The following ETV6 variants were observed in gnomAD, a reference collection of about 807,000 sequenced individuals.
The protein encoded by ETV6 is transcription factor ETV6.
A neutral mutation model predicts 51.1 loss-of-function variants in ETV6; 16 were observed. The observed-to-expected ratio is 0.31, with a 90% CI of 0.21 to 0.48. The LOEUF is 0.48. Ranked by LOEUF, ETV6 falls within the 20% of genes least tolerant of loss-of-function variation. The probability of loss-of-function intolerance (pLI) is 0.99; values close to 1 mark genes in which losing one functional copy is unlikely to be tolerated. For synonymous variants in ETV6, 240 were observed against 224.1 expected, an observed-to-expected ratio of 1.07 and a Z score of -0.64; for missense variants, 458 against 594.8, an observed-to-expected ratio of 0.77 and a Z score of 2.39.
intron 1 of ETV6, among the ~76,000 whole-genome samples, chr12:11,653,387 C>T (rs1238648103): frequency 6.6e-6 from 1 of 152,184 alleles, no homozygotes; most frequent in African/African-American, 2.4e-5. Flanking sequence ...AATCCAAAAA[C>T]GAGTCACACA....
chr12:11,811,903 C>G (rs761545227), intron 2 of ETV6, among the ~76,000 whole-genome samples: 2 of 152,044 alleles, frequency 1.3e-5, no homozygotes, highest in African/African-American at 2.4e-5. Flanking sequence ...TTTTATGACA[C>G]CTAGAAGGGA....
intron 2 of ETV6, among the ~76,000 whole-genome samples, chr12:11,767,791 TGAA>T (rs1945184055): frequency 1.3e-5 from 2 of 152,244 alleles, no homozygotes; most frequent in Non-Finnish European, 2.9e-5. Flanking sequence ...GCTTGTCTGA[TGAA>T]GAAGATTGCA....
chr12:11,841,193 T>C (rs191867237), intron 3 of ETV6, among the ~76,000 whole-genome samples: 1 of 152,336 alleles, frequency 6.6e-6, no homozygotes, highest in African/African-American at 2.4e-5. Context: ...TTCTCTCTGC[T>C]CAGAGCTATG....
chr12:11,721,021 C>T (rs1157176907), intron 1 of ETV6, among the ~76,000 whole-genome samples: 1 of 152,198 alleles, frequency 6.6e-6, no homozygotes, highest in Non-Finnish European at 1.5e-5. Flanking sequence ...CGACGAGATA[C>T]TGTCTCACAC....
At chr12:11,684,549 C>G (rs545891395) in intron 1 of ETV6, among the ~76,000 whole-genome samples, 7 of 152,182 alleles carry the variant, frequency 4.6e-5, no homozygotes, top group Non-Finnish European at 4.4e-5. Context: ...ACTCATCACT[C>G]GGCTTCAACA....
intron 1 of ETV6, among the ~76,000 whole-genome samples, chr12:11,675,920 A>C (rs1278888471): frequency 1.3e-5 from 2 of 152,146 alleles, no homozygotes; most frequent in African/African-American, 2.4e-5. Flanking sequence ...AGAGAAATTG[A>C]TGCAGGAAGA....
chr12:11,798,166 AC>A (rs1054852372), intron 2 of ETV6, among the ~76,000 whole-genome samples: 1 of 152,216 alleles, frequency 6.6e-6, no homozygotes, highest in African/African-American at 2.4e-5. Flanking sequence ...CAGATAAGTA[AC>A]CAACAAATTA....
At chr12:11,725,280 T>C (rs758489044) in intron 1 of ETV6, among the ~76,000 whole-genome samples, 3 of 152,128 alleles carry the variant, frequency 2.0e-5, no homozygotes, top group Middle Eastern at 3.2e-3. Flanking sequence ...GAAAATTCTT[T>C]TGTGCAGCGT....
At chr12:11,853,659 C>G in intron 4 of ETV6, 98 bp downstream of exon 4, 1 of 1,386,694 alleles carries the variant, frequency 7.2e-7, no homozygotes, top group Non-Finnish European at 1.0e-6. Context: ...TGTAAGTTCA[C>G]TTTTCATTCA....
At chr12:11,811,537 G>A (rs997241257) in intron 2 of ETV6, among the ~76,000 whole-genome samples, 1 of 152,162 alleles carries the variant, frequency 6.6e-6, no homozygotes, top group Non-Finnish European at 1.5e-5. Context: ...GGCTCATTAA[G>A]CTCTTGGTGG....
At chr12:11,859,262 C>T (rs1258802222) in intron 4 of ETV6, among the ~76,000 whole-genome samples, 3 of 150,964 alleles carry the variant, frequency 2.0e-5, no homozygotes, top group Non-Finnish European at 4.4e-5. Context: ...CTGCCTCAGC[C>T]TCCCAAGTAG....
rs202244621 is a variant in ETV6 at position 11,839,220 on chromosome 12, A to G, written c.244A>G (p.Ile82Val). The G allele has an allele frequency of 1.9e-6, 3 of 1,614,264 alleles. No individual in the cohort carries two copies. The highest frequency in any genetic ancestry group is 2.5e-6 in the Non-Finnish European group (3 of 1,180,046). ...TGAAAATGAGTTTTCTTTAAGGCCA[A>G]TTGACAGCAACACGTTTGAAATGAA... ...WAENEFSLRP[I>V]DSNTFEMNGK... Residue 82 changes from isoleucine to valine, a missense_variant, in exon 3 of 8, where the codon ATT becomes GTT. Transcript: ENST00000396373.
chr12:11,783,148 G>A (rs1374615933), intron 2 of ETV6, among the ~76,000 whole-genome samples: 1 of 152,086 alleles, frequency 6.6e-6, no homozygotes, highest in Non-Finnish European at 1.5e-5. Flanking sequence ...AGCAAGGGAT[G>A]GGAAGCAGAA....
chr12:11,868,975 G>A (rs1946831730), intron 4 of ETV6, among the ~76,000 whole-genome samples: 1 of 152,140 alleles, frequency 6.6e-6, no homozygotes, highest in Non-Finnish European at 1.5e-5. Context: ...GGTGGCTCAC[G>A]CCTGTAATCC....
Position 11,665,983 on chromosome 12 carries a change from C to G in ETV6, c.33+15823C>G, listed in dbSNP as rs538303051. 1.3e-4 allele frequency among the ~76,000 whole-genome samples: 20 copies of G among 152,308 alleles called. 1 individual carries two copies. In the East Asian group the frequency reaches 3.7e-3, roughly 28 times the overall value. On this transcript the variant is annotated intron_variant, in intron 1 of 7. Transcript: ENST00000396373. The stretch of plus-strand genomic sequence containing the variant: ...AAGATAAATGAATGTATTAACTGAT[C>G]ATCCTTTTTTTTGATGTGGCTCAGG...
intron 7 of ETV6, 125 bp from the exon 8 acceptor site, chr12:11,890,816 G>A (rs907510833): frequency 6.2e-5 from 47 of 759,190 alleles, no homozygotes; most frequent in African/African-American, 5.1e-4. Context: ...CATTAATCTC[G>A]GGGTTCAGTA....
intron 5 of ETV6, among the ~76,000 whole-genome samples, chr12:11,871,909 C>G (rs1321351657): frequency 3.3e-5 from 5 of 152,166 alleles, no homozygotes; most frequent in Non-Finnish European, 7.3e-5. Context: ...AAGCAAAGAG[C>G]TTGGGCAAAA....
At chr12:11,789,170 T>C (rs567043088) in intron 2 of ETV6, among the ~76,000 whole-genome samples, 3 of 152,134 alleles carry the variant, frequency 2.0e-5, no homozygotes, top group Non-Finnish European at 2.9e-5. Flanking sequence ...GTAGCTGGGA[T>C]TACAGGCGCC....
intron 2 of ETV6, among the ~76,000 whole-genome samples, chr12:11,756,820 G>A (rs1053088748): frequency 2.0e-5 from 3 of 152,246 alleles, no homozygotes; most frequent in Non-Finnish European, 2.9e-5. Flanking sequence ...GCCTCAGACA[G>A]TGATGCTCAG....
Sources: gnomAD v4.1 joint callset for allele counts (sites outside exome capture counted in the v4.1 genomes callset) on GRCh38, gnomAD v4.1.1 for gene constraint, MANE v1.5 for transcripts, NCBI Gene and HGNC (gene_info 2026-07-23, HGNC 2026-07-21) for gene names.